The following FUT9 variants were observed in gnomAD, a reference collection of about 807,000 sequenced individuals.
The protein encoded by FUT9 is fucosyltransferase 9.
FUT9 carries 15 observed loss-of-function variants against 29.7 expected under a neutral mutation model. The observed-to-expected ratio is 0.51, with a 90% CI of 0.34 to 0.78. The LOEUF is 0.78. Ranked by LOEUF, FUT9 falls within the 30% of genes least tolerant of loss-of-function variation. The pLI is 0.01. For missense variants in FUT9, 319 were observed against 425.4 expected, an observed-to-expected ratio of 0.75 and a Z score of 2.20; for synonymous variants, 169 against 153.7, an observed-to-expected ratio of 1.10 and a Z score of -0.74.
At chr6:96,080,454 G>A (rs1392767178) in intron 1 of FUT9, among the ~76,000 whole-genome samples, 1 of 151,850 alleles carries the variant, frequency 6.6e-6, no homozygotes, top group African/African-American at 2.4e-5. Flanking sequence ...AAGCAAAGAC[G>A]AAAATGTCTT....
At chr6:96,051,991 A>C (rs973884984) in intron 1 of FUT9, among the ~76,000 whole-genome samples, 4 of 152,130 alleles carry the variant, frequency 2.6e-5, no homozygotes, top group Non-Finnish European at 5.9e-5. Context: ...GCTATGAAGA[A>C]ATACCCAAGC....
At chr6:96,198,567 G>A (rs1381115353) in intron 2 of FUT9, among the ~76,000 whole-genome samples, 3 of 151,976 alleles carry the variant, frequency 2.0e-5, no homozygotes, top group Admixed American at 6.6e-5. Context: ...GAATAATGCC[G>A]CAATAAACAT....
chr6:96,021,162 TC>T (rs1342315628), intron 1 of FUT9, among the ~76,000 whole-genome samples: 1 of 152,002 alleles, frequency 6.6e-6, no homozygotes, highest in East Asian at 1.9e-4. Context: ...GTAACATGGA[TC>T]TAGGCATGCT....
At chr6:96,152,366 T>C (rs62417706) in intron 2 of FUT9, among the ~76,000 whole-genome samples, 5 of 152,164 alleles carry the variant, frequency 3.3e-5, no homozygotes, top group Non-Finnish European at 7.3e-5. Flanking sequence ...CCCTGTCTTC[T>C]AGAGTACCCC....
intron 2 of FUT9, among the ~76,000 whole-genome samples, chr6:96,159,449 A>C (rs930436142): frequency 6.6e-6 from 1 of 152,148 alleles, no homozygotes; most frequent in Non-Finnish European, 1.5e-5. Flanking sequence ...TAGAACATAA[A>C]TTATTAAGAT....
At chr6:96,020,865 A>G (rs1582410000) in intron 1 of FUT9, 1 of 152,228 alleles carries the variant, frequency 6.6e-6, no homozygotes, top group African/African-American at 2.4e-5. Context: ...ATGAGAGGAA[A>G]ACTACACTTC....
At chr6:96,155,336 C>G (rs546971909) in intron 2 of FUT9, among the ~76,000 whole-genome samples, 22 of 152,068 alleles carry the variant, frequency 1.4e-4, no homozygotes, top group African/African-American at 4.3e-4. Context: ...AAATTCATGT[C>G]GAAGTCCCAA....
At chr6:96,037,313 G>C (rs956667803) in intron 1 of FUT9, 9 of 152,020 alleles carry the variant, frequency 5.9e-5, no homozygotes, top group African/African-American at 2.2e-4. Flanking sequence ...TACAAACCTA[G>C]GAATTGCATC....
Position 96,203,973 on chromosome 6 carries a change from C to A in FUT9, c.818C>A (p.Ser273Tyr), listed in dbSNP as rs1319541529. 1.7e-5 allele frequency: 27 copies of A among 1,613,144 alleles called. No homozygotes were observed. The highest frequency in any genetic ancestry group is 2.2e-5 in the Non-Finnish European group (26 of 1,179,726). The change falls in exon 3 of 3, where the codon TCT becomes TAT. Residue 273 changes from serine (S) to tyrosine (Y), a missense_variant. Ser to Tyr is a moderately radical substitution (Grantham distance 144). Transcript: ENST00000302103. The part of the protein sequence containing the change: ...AGSVPVVLGP[S>Y]RENYENYIPA... Reference sequence around the variant, plus strand: ...TCTGTACCTGTTGTTCTGGGACCATCTAGGGAAAACTATGAGAATTATATT... The same window carrying A: ...TCTGTACCTGTTGTTCTGGGACCATATAGGGAAAACTATGAGAATTATATT...
chr6:96,165,451 G>A (rs545365900), intron 2 of FUT9, among the ~76,000 whole-genome samples: 2 of 148,088 alleles, frequency 1.4e-5, no homozygotes, highest in South Asian at 2.2e-4. Flanking sequence ...AAAAAGAGTC[G>A]ATTCACAATA....
chr6:96,090,459 AATAATTATATCAACTC>A (rs1270050774), intron 1 of FUT9, among the ~76,000 whole-genome samples: 1 of 151,902 alleles, frequency 6.6e-6, no homozygotes, highest in African/African-American at 2.4e-5. Flanking sequence ...AGCAACAGGA[AATAATTATATCAACTC>A]ATAATTATAT....
chr6:96,203,456 A>C lies in FUT9; in HGVS notation c.301A>C (p.Asn101His). The C allele has an allele frequency of 6.2e-7, 1 of 1,608,688 alleles. No homozygotes were observed. Among genetic ancestry groups the C allele is most frequent in the Non-Finnish European group, 8.5e-7 (1 of 1,177,022 alleles). ...TCTCACAACGGACCGTTCACTGTACAACAAATCCCATGCAGTTCTGATCCA... is the reference window on the plus strand; with the variant it reads ...TCTCACAACGGACCGTTCACTGTACCACAAATCCCATGCAGTTCTGATCCA... ...CHLTTDRSLY[N>H]KSHAVLIHHR... The change falls in exon 3 of 3, where the codon AAC becomes CAC. Residue 101 changes from asparagine (N) to histidine (H), a missense_variant. Transcript: ENST00000302103.
intron 2 of FUT9, among the ~76,000 whole-genome samples, chr6:96,127,085 A>G (rs924930360): frequency 6.6e-6 from 1 of 152,180 alleles, no homozygotes; most frequent in Non-Finnish European, 1.5e-5. Context: ...TTTGTTAGAT[A>G]GGTAAATTGC....
Position 96,089,622 on chromosome 6 carries a change from A to T in FUT9, c.-97-24417A>T, listed in dbSNP as rs1771377402. On this transcript the variant is annotated intron_variant, in intron 1 of 2. Coordinates refer to ENST00000302103, the MANE Select transcript of FUT9 (RefSeq NM_006581.4). ...TCTGAGTTACTAACAGTATACATCG[A>T]TCTCACCCCAGAGTAAGATGGGGAG... is the stretch of plus-strand genomic sequence containing the variant. Among the ~76,000 whole-genome samples, 4 of 152,200 alleles carry T rather than the reference A, an allele frequency of 2.6e-5. No individual in the cohort carries two copies. In the East Asian group the frequency reaches 7.7e-4, roughly 29 times the overall value.
intron 1 of FUT9, among the ~76,000 whole-genome samples, chr6:96,085,501 C>T (rs1173143178): frequency 1.3e-5 from 2 of 152,158 alleles, no homozygotes; most frequent in African/African-American, 4.8e-5. Context: ...ATACCATTAT[C>T]TTGAAGTTTA....
intron 2 of FUT9, among the ~76,000 whole-genome samples, chr6:96,130,838 T>C (rs888414672): frequency 6.6e-6 from 1 of 152,192 alleles, no homozygotes; most frequent in African/African-American, 2.4e-5. Flanking sequence ...TTTGCTTTTC[T>C]CTTTACTGTG....
intron 2 of FUT9, among the ~76,000 whole-genome samples, chr6:96,159,722 A>G (rs1340251865): frequency 1.3e-5 from 2 of 152,186 alleles, no homozygotes. Context: ...TTAGAATGGT[A>G]TTTAATAACT....
intron 1 of FUT9, among the ~76,000 whole-genome samples, chr6:96,068,661 A>C (rs2127946626): frequency 6.6e-6 from 1 of 152,352 alleles, no homozygotes; most frequent in East Asian, 1.9e-4. Flanking sequence ...TATGAACTTC[A>C]GATTTCAGTG....
intron 1 of FUT9, among the ~76,000 whole-genome samples, 169 bp from the exon 2 acceptor site, chr6:96,113,870 A>T (rs1000590994): frequency 6.8e-6 from 1 of 147,026 alleles, no homozygotes; most frequent in Non-Finnish European, 1.5e-5. Flanking sequence ...AAAAAAAAAA[A>T]ATTTAACAGA....
Sources: allele counts gnomAD v4.1 joint callset (sites outside exome capture counted in the v4.1 genomes callset), GRCh38; gene constraint gnomAD v4.1.1; transcripts MANE v1.5; gene names NCBI Gene and HGNC (gene_info 2026-07-23, HGNC 2026-07-21).